The following IL1RAPL2 variants were observed in gnomAD, a reference collection of about 807,000 sequenced individuals.
IL1RAPL2 encodes interleukin 1 receptor accessory protein like 2, also known as X-linked interleukin-1 receptor accessory protein-like 2.
IL1RAPL2 carries 3 observed loss-of-function variants against 44.1 expected under a neutral mutation model. The ratio of observed to expected loss-of-function variants is 0.07; its 90% CI spans 0.03 to 0.18. IL1RAPL2 has a LOEUF of 0.18. IL1RAPL2 is among the 10% of genes least tolerant of loss of function. The pLI, the probability that IL1RAPL2 is intolerant of heterozygous loss-of-function variation, is 1.00. For missense variants in IL1RAPL2, 391 were observed against 496.4 expected (o/e 0.79, Z 2.02); for synonymous variants, 181 against 178.8 (o/e 1.01, Z -0.10).
chrX:105,678,197 A>C (rs1157350528), intron 6 of IL1RAPL2, among the ~76,000 whole-genome samples: 1 of 112,399 alleles, frequency 8.9e-6, no homozygotes, highest in Non-Finnish European at 1.9e-5. Context: ...ACACATGAGC[A>C]ATAAACTTTT....
chrX:105,705,299 G>T (rs926995733), intron 6 of IL1RAPL2, among the ~76,000 whole-genome samples: 1 of 110,918 alleles, frequency 9.0e-6, no homozygotes, highest in African/African-American at 3.3e-5. Flanking sequence ...TGTATATGTA[G>T]GCCAAAGATA....
At chrX:104,935,180 G>A (rs1156653964) in intron 2 of IL1RAPL2, among the ~76,000 whole-genome samples, 1 of 112,146 alleles carries the variant, frequency 8.9e-6, no homozygotes, top group African/African-American at 3.2e-5. Context: ...AAATATACCA[G>A]TCTCAGCAGT....
At chrX:105,436,807 TATAAGA>T (rs1400932046) in intron 5 of IL1RAPL2, among the ~76,000 whole-genome samples, 1 of 110,214 alleles carries the variant, frequency 9.1e-6, no homozygotes, top group Non-Finnish European at 1.9e-5. Flanking sequence ...TTGGAGGTTG[TATAAGA>T]ATATCACTTA....
At chrX:105,623,855 CA>C (rs747732909) in intron 6 of IL1RAPL2, among the ~76,000 whole-genome samples, 37 of 111,433 alleles carry the variant, frequency 3.3e-4, no homozygotes, top group Non-Finnish European at 6.2e-4. Context: ...GAAAGACAGA[CA>C]TTAAACAAAT....
At chrX:105,750,680 C>T (rs1353076459) in intron 9 of IL1RAPL2, among the ~76,000 whole-genome samples, 1 of 109,442 alleles carries the variant, frequency 9.1e-6, no homozygotes. Context: ...TCAGCAATTA[C>T]AGCAGCCAGT....
At chrX:104,886,331 C>G (rs182584610) in intron 2 of IL1RAPL2, among the ~76,000 whole-genome samples, 9 of 101,562 alleles carry the variant, frequency 8.9e-5, no homozygotes, top group African/African-American at 3.2e-4. Flanking sequence ...AACCTGAAGT[C>G]TGGGCATTGG....
At chrX:105,377,062 T>C (rs2035392867) in intron 5 of IL1RAPL2, among the ~76,000 whole-genome samples, 1 of 111,920 alleles carries the variant, frequency 8.9e-6, no homozygotes, top group African/African-American at 3.2e-5. Flanking sequence ...AGGCAACCAC[T>C]CTTAACAGAT....
chrX:105,455,545 C>T (rs1192819087), intron 5 of IL1RAPL2, among the ~76,000 whole-genome samples: 1 of 111,948 alleles, frequency 8.9e-6, no homozygotes, highest in Admixed American at 9.5e-5. Flanking sequence ...ATATGGATAG[C>T]CCATTATCCC....
At chrX:105,051,179 G>T (rs1329863669) in intron 2 of IL1RAPL2, among the ~76,000 whole-genome samples, 1 of 69,119 alleles carries the variant, frequency 1.4e-5, no homozygotes, top group Non-Finnish European at 2.7e-5. Context: ...TCTGCCTCCT[G>T]CTGCCATTTA....
At chrX:105,596,745 A>G (rs1349660116) in intron 6 of IL1RAPL2, among the ~76,000 whole-genome samples, 1 of 111,905 alleles carries the variant, frequency 8.9e-6, no homozygotes, top group Admixed American at 9.6e-5. Flanking sequence ...TTCTGTCTGG[A>G]TGATCCACCC....
chrX:105,030,026 GT>G (rs1221732269), intron 2 of IL1RAPL2, among the ~76,000 whole-genome samples: 2 of 111,981 alleles, frequency 1.8e-5, no homozygotes, highest in African/African-American at 6.5e-5. Flanking sequence ...TTTTTCATGT[GT>G]TTTTTGGGGG....
chrX:105,732,595 C>T lies in IL1RAPL2; in HGVS notation c.903-7951C>T, dbSNP rs765143938. ...CTGTACAGCCTGTGGAACGGTGAGC[C>T]AATAAAACTTTTCTTATTAATTTTA... On this transcript the variant is annotated intron_variant, in intron 7 of 10. Transcript: ENST00000372582. 2.7e-4 allele frequency among the ~76,000 whole-genome samples: 30 copies of T among 111,339 alleles called. No individual in the cohort carries two copies. The East Asian group carries it at 4.9e-3, about 18-fold the overall frequency.
At chrX:105,404,283 C>T (rs937439478) in intron 5 of IL1RAPL2, among the ~76,000 whole-genome samples, 1 of 111,663 alleles carries the variant, frequency 9.0e-6, no homozygotes, top group Non-Finnish European at 1.9e-5. Flanking sequence ...GTTTAGATGA[C>T]TTTGCCTAGT....
intron 2 of IL1RAPL2, among the ~76,000 whole-genome samples, chrX:104,674,130 A>G (rs947398076): frequency 4.7e-4 from 52 of 111,810 alleles, no homozygotes; most frequent in African/African-American, 1.6e-3. Context: ...AACTTCCAAC[A>G]CTATGTTGAA....
intron 3 of IL1RAPL2, among the ~76,000 whole-genome samples, chrX:105,200,260 G>A (rs1291965237): frequency 8.9e-6 from 1 of 112,300 alleles, no homozygotes; most frequent in Non-Finnish European, 1.9e-5. Flanking sequence ...CCATGTGAAT[G>A]ACAGCAAGAA....
At chrX:104,809,127 C>T (rs1932948252) in intron 2 of IL1RAPL2, among the ~76,000 whole-genome samples, 1 of 111,650 alleles carries the variant, frequency 9.0e-6, no homozygotes. Flanking sequence ...GGTAATGGAC[C>T]ACTGATAGTT....
intron 5 of IL1RAPL2, among the ~76,000 whole-genome samples, chrX:105,433,535 C>T (rs2035861902): frequency 9.0e-6 from 1 of 111,328 alleles, no homozygotes; most frequent in Non-Finnish European, 1.9e-5. Context: ...CTCTAATTTA[C>T]TTATGTGAGC....
intron 2 of IL1RAPL2, among the ~76,000 whole-genome samples, chrX:104,975,625 T>C (rs1431755938): frequency 8.9e-6 from 1 of 112,687 alleles, no homozygotes; most frequent in Non-Finnish European, 1.9e-5. Context: ...AAATTTGTCC[T>C]TGTATAAAGC....
At chrX:105,406,434 T>G in intron 5 of IL1RAPL2, 1 of 1,147,182 alleles carries the variant, frequency 8.7e-7, no homozygotes, top group Non-Finnish European at 1.2e-6. Flanking sequence ...CACCTGGAAG[T>G]GGCAATAAAG....
Sources: allele counts gnomAD v4.1 joint callset (sites outside exome capture counted in the v4.1 genomes callset), GRCh38; gene constraint gnomAD v4.1.1; transcripts MANE v1.5; gene names NCBI Gene and HGNC (gene_info 2026-07-23, HGNC 2026-07-21).